Variants in SLC35F3 observed in about 807,000 individuals in gnomAD.
The protein encoded by SLC35F3 is solute carrier family 35 member F3, also known as putative thiamine transporter SLC35F3.
A neutral mutation model predicts 49.9 loss-of-function variants in SLC35F3; 25 were observed. The observed-to-expected ratio is 0.50, with a 90% CI of 0.37 to 0.70. The LOEUF (loss-of-function observed/expected upper bound fraction) is 0.70. Ranked by LOEUF, SLC35F3 falls within the 30% of genes least tolerant of loss-of-function variation. The pLI is 0.00. For synonymous variants in SLC35F3, 275 were observed against 265.4 expected, an observed-to-expected ratio of 1.04 and a Z score of -0.35; for missense variants, 525 against 639.8, an observed-to-expected ratio of 0.82 and a Z score of 1.94.
intron 2 of SLC35F3, among the ~76,000 whole-genome samples, chr1:234,087,881 CCTGCA>C (rs1251881497): frequency 6.6e-6 from 1 of 152,214 alleles, no homozygotes. Context: ...CATTCTTCTG[CCTGCA>C]CTGCACCTGC....
intron 2 of SLC35F3, among the ~76,000 whole-genome samples, chr1:234,108,347 T>C (rs1411608792): frequency 2.6e-5 from 3 of 116,030 alleles, no homozygotes; most frequent in Admixed American, 1.2e-4. Flanking sequence ...ATATAAAAGA[T>C]ATATATTTAT....
At chr1:234,023,715 C>G (rs10465471) in intron 2 of SLC35F3, among the ~76,000 whole-genome samples, 115,231 of 151,908 alleles carry the variant, frequency 0.76, 44,604 homozygotes, top group African/African-American at 0.92. Context: ...CCACATCATG[C>G]TGGTAAGTCA....
At chr1:234,301,480 A>G (rs1281519453) in intron 3 of SLC35F3, among the ~76,000 whole-genome samples, 1 of 152,250 alleles carries the variant, frequency 6.6e-6, no homozygotes, top group East Asian at 1.9e-4. Context: ...GCAAATCAAA[A>G]TCAGAATGCG....
chr1:234,271,230 GAT>G (rs540383789), intron 3 of SLC35F3, among the ~76,000 whole-genome samples: 6 of 152,194 alleles, frequency 3.9e-5, no homozygotes, highest in Non-Finnish European at 8.8e-5. Context: ...TTACTACTGA[GAT>G]AGACTTTCTA....
intron 2 of SLC35F3, among the ~76,000 whole-genome samples, chr1:234,006,474 GA>G (rs1344812824): frequency 6.7e-6 from 1 of 150,070 alleles, no homozygotes; most frequent in Non-Finnish European, 1.5e-5. Context: ...TTTTAACGGG[GA>G]AAAAAATTCA....
intron 2 of SLC35F3, among the ~76,000 whole-genome samples, chr1:234,187,730 G>A (rs2102927060): frequency 6.6e-6 from 1 of 152,340 alleles, no homozygotes; most frequent in East Asian, 1.9e-4. Context: ...GGTAGAGGAA[G>A]CAGCAGGAAA....
At chr1:234,084,695 A>G (rs1396025901) in intron 2 of SLC35F3, among the ~76,000 whole-genome samples, 1 of 152,182 alleles carries the variant, frequency 6.6e-6, no homozygotes, top group African/African-American at 2.4e-5. Context: ...GTTCTGCTCT[A>G]TTGAAGTATA....
intron 2 of SLC35F3, among the ~76,000 whole-genome samples, chr1:233,912,701 C>T (rs1003322046): frequency 2.0e-5 from 3 of 152,096 alleles, no homozygotes; most frequent in African/African-American, 7.2e-5. Context: ...AGCGTGGATA[C>T]GCTGGACAAA....
chr1:234,006,460 C>T (rs182007987), intron 2 of SLC35F3, among the ~76,000 whole-genome samples: 2 of 150,480 alleles, frequency 1.3e-5, no homozygotes, highest in East Asian at 3.9e-4. Flanking sequence ...ACTGTGCAGA[C>T]CCCTTTTAAC....
At chr1:234,112,556 CTTTTTTTTT>C (rs777353110) in intron 2 of SLC35F3, among the ~76,000 whole-genome samples, 2 of 116,364 alleles carry the variant, frequency 1.7e-5, no homozygotes, top group Admixed American at 2.0e-4. Flanking sequence ...AATTCACACT[CTTTTTTTTT>C]TTTTTTTTGA....
intron 2 of SLC35F3, among the ~76,000 whole-genome samples, chr1:233,972,188 G>T (rs1174100685): frequency 6.6e-6 from 1 of 152,230 alleles, no homozygotes; most frequent in African/African-American, 2.4e-5. Flanking sequence ...TTAAGCCCAT[G>T]AGCTTTGGTG....
intron 2 of SLC35F3, among the ~76,000 whole-genome samples, chr1:234,230,122 G>A (rs1667344087): frequency 6.6e-6 from 1 of 152,180 alleles, no homozygotes; most frequent in African/African-American, 2.4e-5. Flanking sequence ...TAGAGATGGT[G>A]TGAAACAGTT....
At chr1:234,103,245 AC>A (rs1400096370) in intron 2 of SLC35F3, among the ~76,000 whole-genome samples, 1 of 151,682 alleles carries the variant, frequency 6.6e-6, no homozygotes, top group African/African-American at 2.4e-5. Context: ...ATTGGTACCC[AC>A]CCCCACCCTC....
At chr1:234,191,782 G>A (rs539616662) in intron 2 of SLC35F3, among the ~76,000 whole-genome samples, 6 of 152,044 alleles carry the variant, frequency 3.9e-5, no homozygotes, top group African/African-American at 7.2e-5. Context: ...TACAACCAAC[G>A]CCACAGAAAT....
At chr1:234,217,888 C>A (rs143465892) in intron 2 of SLC35F3, among the ~76,000 whole-genome samples, 1 of 150,088 alleles carries the variant, frequency 6.7e-6, no homozygotes, top group East Asian at 2.0e-4. Context: ...AAGGAGGGGG[C>A]CTTCCTGAGG....
intron 2 of SLC35F3, among the ~76,000 whole-genome samples, chr1:234,184,124 G>C (rs1405028430): frequency 4.0e-5 from 6 of 150,252 alleles, no homozygotes; most frequent in Non-Finnish European, 8.9e-5. Context: ...TACTAGCATG[G>C]AACACAGTTT....
chr1:234,232,058 A>C (rs1223516773), intron 3 of SLC35F3, among the ~76,000 whole-genome samples: 2 of 152,288 alleles, frequency 1.3e-5, no homozygotes, highest in East Asian at 3.9e-4. Context: ...TGTGTAGCTC[A>C]GTTCATCCCT....
chr1:234,190,977 C>T (rs1409951871), intron 2 of SLC35F3, among the ~76,000 whole-genome samples: 4 of 152,208 alleles, frequency 2.6e-5, no homozygotes, highest in African/African-American at 9.6e-5. Context: ...GGGCTCCCTG[C>T]TTCTAGTGAG....
At chr1:234,287,142 G>A (rs146257619) in intron 3 of SLC35F3, among the ~76,000 whole-genome samples, 132 of 152,188 alleles carry the variant, frequency 8.7e-4, no homozygotes, top group African/African-American at 3.2e-3. Flanking sequence ...CAGGCTCCAG[G>A]GAGCTATGAT....
Sources: allele counts gnomAD v4.1 joint callset (sites outside exome capture counted in the v4.1 genomes callset), GRCh38; gene constraint gnomAD v4.1.1; transcripts MANE v1.5; gene names NCBI Gene and HGNC (gene_info 2026-07-23, HGNC 2026-07-21).